The following PIK3C3 variants were observed in gnomAD, a reference collection of about 807,000 sequenced individuals.
The protein encoded by PIK3C3 is phosphatidylinositol 3-kinase catalytic subunit type 3.
Under a neutral mutation model 126.1 loss-of-function variants are expected in PIK3C3, and 95 were observed. The ratio of observed to expected loss-of-function variants is 0.75; its 90% confidence interval spans 0.64 to 0.89. PIK3C3 has a LOEUF of 0.89. Ranked by LOEUF, PIK3C3 falls within the 40% of genes least tolerant of loss-of-function variation. The pLI is 0.00. For missense variants in PIK3C3, 829 were observed against 1,063.2 expected (o/e 0.78, Z 3.06); for synonymous variants, 374 against 360.0 (o/e 1.04, Z -0.44).
chr18:41,979,157 T>C (rs1981075576), intron 4 of PIK3C3, among the ~76,000 whole-genome samples: 1 of 151,970 alleles, frequency 6.6e-6, no homozygotes, highest in South Asian at 2.1e-4. Context: ...CCTTGGCTGA[T>C]GTCTGAGAAC....
At chr18:41,980,076 A>G (rs1046315572) in intron 4 of PIK3C3, among the ~76,000 whole-genome samples, 3 of 152,148 alleles carry the variant, frequency 2.0e-5, no homozygotes, top group African/African-American at 7.2e-5. Context: ...CTTTAACAGA[A>G]TAAATTGTTT....
At chr18:41,962,192 G>C (rs1176616426) in intron 2 of PIK3C3, among the ~76,000 whole-genome samples, 6 of 152,074 alleles carry the variant, frequency 3.9e-5, no homozygotes, top group African/African-American at 1.4e-4. Context: ...CTAACAGGTT[G>C]AAATGTTTTC....
intron 13 of PIK3C3, chr18:42,025,926 G>A (rs929144394): frequency 6.6e-6 from 1 of 152,148 alleles, no homozygotes; most frequent in Non-Finnish European, 1.5e-5. Context: ...AAGATATAGT[G>A]GAGAACAAGA....
At chr18:41,997,391 G>C (rs1982079674) in intron 9 of PIK3C3, among the ~76,000 whole-genome samples, 1 of 152,068 alleles carries the variant, frequency 6.6e-6, no homozygotes, top group Non-Finnish European at 1.5e-5. Flanking sequence ...TCTGGAGAGA[G>C]AATTGTGGTA....
At chr18:42,027,707 T>A (rs972994954) in intron 14 of PIK3C3, among the ~76,000 whole-genome samples, 159 bp downstream of exon 14, 1 of 152,118 alleles carries the variant, frequency 6.6e-6, no homozygotes, top group Non-Finnish European at 1.5e-5. Context: ...CAGGCCGGAG[T>A]ACAGTGGTGC....
intron 11 of PIK3C3, 97 bp downstream of exon 11, chr18:42,013,693 G>A (rs1982938067): frequency 2.2e-6 from 2 of 891,384 alleles, no homozygotes; most frequent in East Asian, 5.2e-5. Flanking sequence ...CCAAATGCTA[G>A]TGTTACTAAT....
rs879644776 is a variant in PIK3C3, at chr18:42,043,100, C to CT, written c.2104-618dup. Among the ~76,000 whole-genome samples the CT allele has an allele frequency of 1.0e-2, 1,422 of 142,708 alleles. 20 individuals are homozygous for CT. The highest frequency in any genetic ancestry group is 0.027 in the African/African-American group (1,039 of 39,112). The allele number at this position is 142,708 out of a possible 152,430, so 93.6% of individuals were successfully genotyped here. A position where few individuals can be genotyped will look rare whatever the true frequency, so the allele number is the denominator to read the frequency against. ...AAAAAAGGTGAAAACATAGGATAAA[C>CT]TTTTTTTTTTTTTTTGTGAGACGGA... On this transcript the variant is annotated intron_variant, in intron 19 of 24. Transcript: ENST00000262039.
chr18:42,004,373 G>T lies in PIK3C3; in HGVS notation c.1002G>T (p.Leu334Phe). The change falls in exon 10 of 25, where the codon TTG becomes TTT. Residue 334 changes from leucine to phenylalanine, a missense_variant. Around this residue, in one of 4 missense-constraint regions of PIK3C3, gnomAD observed 64 missense variants for 118.7 expected, o/e 0.54. Coordinates refer to ENST00000262039, the MANE Select transcript of PIK3C3 (RefSeq NM_002647.4). ...GATTTTAGGCCTTGACAAAATTCTT[G>T]AAATGTGTTAATTGGGATCTACCTC... ...TNQEKALTKF[L>F]KCVNWDLPQE... 6.2e-7 allele frequency: 1 copy of T among 1,607,728 alleles called. No individual in the cohort carries two copies. The highest frequency in any genetic ancestry group is 8.5e-7 in the Non-Finnish European group (1 of 1,178,424).
intron 9 of PIK3C3, among the ~76,000 whole-genome samples, chr18:42,001,487 G>A (rs1237617802): frequency 2.6e-5 from 4 of 152,138 alleles, no homozygotes; most frequent in Admixed American, 6.5e-5. Flanking sequence ...GATCAGTAAA[G>A]CATCTTTAAA....
intron 9 of PIK3C3, 146 bp from the exon 10 acceptor site, chr18:42,004,210 A>G: frequency 1.6e-6 from 1 of 610,646 alleles, no homozygotes; most frequent in Non-Finnish European, 2.9e-6. Flanking sequence ...ATAAGATCAT[A>G]TATATAACTT....
chr18:41,990,219 T>C (rs1430077714), intron 5 of PIK3C3, among the ~76,000 whole-genome samples: 1 of 152,122 alleles, frequency 6.6e-6, no homozygotes. Flanking sequence ...AATGTTAAAT[T>C]TGAGAAAGCA....
intron 19 of PIK3C3, 41 bp downstream of exon 19, chr18:42,040,782 C>T (rs1984277775): frequency 1.6e-6 from 2 of 1,290,042 alleles, no homozygotes; most frequent in African/African-American, 1.5e-5. Context: ...TGAATATATT[C>T]TTGTCATAAA....
At chr18:42,044,254 C>T (rs866896627) in intron 20 of PIK3C3, among the ~76,000 whole-genome samples, 6 of 152,116 alleles carry the variant, frequency 3.9e-5, no homozygotes, top group Middle Eastern at 3.4e-3. Context: ...ATGGTCCATT[C>T]CTAGAAATAA....
intron 8 of PIK3C3, 58 bp from the exon 9 acceptor site, chr18:41,996,580 G>A (rs755060677): frequency 9.9e-6 from 7 of 708,124 alleles, no homozygotes; most frequent in Non-Finnish European, 1.4e-5. Flanking sequence ...AAGTGAAATG[G>A]AAATATATAG....
intron 19 of PIK3C3, among the ~76,000 whole-genome samples, chr18:42,043,267 TA>T: frequency 2.0e-5 from 3 of 152,082 alleles, no homozygotes; most frequent in Non-Finnish European, 1.5e-5. Flanking sequence ...CTAATTTTTG[TA>T]TTTTAGTAGA....
intron 13 of PIK3C3, among the ~76,000 whole-genome samples, chr18:42,024,686 C>T (rs779738781): frequency 1.5e-4 from 23 of 152,092 alleles, no homozygotes; most frequent in African/African-American, 4.1e-4. Flanking sequence ...TCACCCGCCT[C>T]GGCCTCCCAA....
At chr18:41,961,886 A>G (rs752568811) in intron 2 of PIK3C3, among the ~76,000 whole-genome samples, 1 of 152,190 alleles carries the variant, frequency 6.6e-6, no homozygotes, top group Non-Finnish European at 1.5e-5. Flanking sequence ...GAATATATAC[A>G]GATGTGCTTT....
At chr18:42,024,929 G>A (rs1180634046) in intron 13 of PIK3C3, among the ~76,000 whole-genome samples, 2 of 150,754 alleles carry the variant, frequency 1.3e-5, no homozygotes, top group African/African-American at 4.9e-5. Context: ...TCAGCCTCCC[G>A]AGCAGCTGGG....
At chr18:41,977,993 G>A (rs533148785) in intron 4 of PIK3C3, among the ~76,000 whole-genome samples, 3 of 151,846 alleles carry the variant, frequency 2.0e-5, no homozygotes, top group South Asian at 4.2e-4. Flanking sequence ...ACAGGGTCTC[G>A]CCTTTTTTCC....
Sources: allele counts gnomAD v4.1 joint callset (sites outside exome capture counted in the v4.1 genomes callset), GRCh38; gene constraint gnomAD v4.1.1; regional missense constraint gnomAD v4.1.1; transcripts MANE v1.5; gene names NCBI Gene and HGNC (gene_info 2026-07-23, HGNC 2026-07-21).